Variants in SLC4A8 observed in about 807,000 individuals in gnomAD.
SLC4A8 encodes solute carrier family 4 member 8.
Under a neutral mutation model 125.0 loss-of-function variants are expected in SLC4A8, and 40 were observed. That is an observed-to-expected ratio of 0.32 (90% confidence interval 0.25 to 0.42). The LOEUF (loss-of-function observed/expected upper bound fraction) is 0.42, where lower values mean the gene tolerates loss of function less well. Ranked by LOEUF, SLC4A8 falls within the 10% of genes least tolerant of loss-of-function variation. SLC4A8 has a pLI of 1.00. For synonymous variants in SLC4A8, 456 were observed against 476.0 expected, an observed-to-expected ratio of 0.96 and a Z score of 0.55; for missense variants, 863 against 1,355.1, an observed-to-expected ratio of 0.64 and a Z score of 5.70.
rs1436028861 is a variant in SLC4A8 at position 51,470,651 on chromosome 12, G to C, written c.1658+126G>C. 4 of 886,158 alleles carry C rather than the reference G, an allele frequency of 4.5e-6. No homozygotes were observed. The African/African-American group carries it at 6.7e-5, about 15-fold the overall frequency. The allele number at this position is 886,158 out of a possible 1,614,324, so 54.9% of individuals were successfully genotyped here. ...TTGGATTGTAAGAAACCTGAAAGGA[G>C]ACCATCATTTGGTCTGTTGTCCTGC... On this transcript the variant is annotated intron_variant, in intron 13 of 24. Coordinates refer to ENST00000453097, the MANE Select transcript of SLC4A8 (RefSeq NM_001039960.3).
intron 16 of SLC4A8, chr12:51,480,473 G>A (rs1345971841): frequency 6.5e-6 from 7 of 1,069,294 alleles, no homozygotes; most frequent in Non-Finnish European, 8.0e-6. Flanking sequence ...GGAGTCCTCT[G>A]TGTGAGACAT....
chr12:51,474,584 C>A, intron 15 of SLC4A8, 137 bp downstream of exon 15: 1 of 1,419,250 alleles, frequency 7.0e-7, no homozygotes. Context: ...ACAATTCTTA[C>A]TCACTTTCTT....
chr12:51,425,559 A>G (rs930861371), intron 1 of SLC4A8: 9 of 443,564 alleles, frequency 2.0e-5, no homozygotes, highest in Non-Finnish European at 2.7e-5. Context: ...GCCCCATTGA[A>G]CAGACACCTG....
At chr12:51,493,348 T>C (rs892394240) in intron 19 of SLC4A8, among the ~76,000 whole-genome samples, 1 of 152,054 alleles carries the variant, frequency 6.6e-6, no homozygotes, top group Non-Finnish European at 1.5e-5. Context: ...TTACAGAAGA[T>C]TTAAAAGGCA....
chr12:51,397,587 C>G (rs1296225192), intron 1 of SLC4A8, among the ~76,000 whole-genome samples: 1 of 151,830 alleles, frequency 6.6e-6, no homozygotes, highest in Admixed American at 6.6e-5. Context: ...CAGAAAATCA[C>G]AAAAAAAGAA....
chr12:51,474,461 CT>C lies in SLC4A8; in HGVS notation c.2010+15del. The C allele has an allele frequency of 6.2e-7, 1 of 1,611,264 alleles. No individual in the cohort carries two copies. Among genetic ancestry groups the C allele is most frequent in the South Asian group, 1.1e-5 (1 of 90,632 alleles). ...CTGACTGTCAGTGTAAGTCTGGGAG[CT>C]GCCAGATGTCCTAGCATTGTGACCA... On this transcript the variant is annotated intron_variant, in intron 15 of 24. Coordinates refer to ENST00000453097, the MANE Select transcript of SLC4A8 (RefSeq NM_001039960.3).
chr12:51,408,684 G>T (rs12369063), intron 1 of SLC4A8, among the ~76,000 whole-genome samples: 60,982 of 151,882 alleles, frequency 0.4, 12,454 homozygotes, highest in Admixed American at 0.45. Flanking sequence ...CTGCCCAGGA[G>T]TATGGCTGAG....
At chr12:51,414,603 G>A (rs190603442) in intron 1 of SLC4A8, among the ~76,000 whole-genome samples, 67 of 152,108 alleles carry the variant, frequency 4.4e-4, no homozygotes, top group African/African-American at 1.4e-3. Context: ...ATCATAAAAC[G>A]AGGTGGGAAG....
intron 1 of SLC4A8, chr12:51,402,984 CTG>C (rs1948421181): frequency 3.1e-6 from 1 of 325,702 alleles, no homozygotes; most frequent in Non-Finnish European, 6.1e-6. Context: ...AGGAGAGACT[CTG>C]AGAATGACTG....
intron 1 of SLC4A8, among the ~76,000 whole-genome samples, chr12:51,407,138 A>C (rs1396489473): frequency 2.0e-5 from 3 of 152,178 alleles, no homozygotes; most frequent in African/African-American, 7.2e-5. Context: ...GTGTCCCGGC[A>C]TGGAGGGAGG....
At chr12:51,400,728 A>T (rs1454087665) in intron 1 of SLC4A8, among the ~76,000 whole-genome samples, 14 of 226 alleles carry the variant, frequency 0.062, no homozygotes, top group African/African-American at 0.11. Flanking sequence ...GAACTCCTTT[A>T]TATATATATA....
At chr12:51,467,621 A>C (rs1246989770) in intron 11 of SLC4A8, among the ~76,000 whole-genome samples, 1 of 152,188 alleles carries the variant, frequency 6.6e-6, no homozygotes, top group African/African-American at 2.4e-5. Context: ...TCCTTCCGTG[A>C]GAGAGTAGCT....
At chr12:51,406,259 G>A (rs762687124) in intron 1 of SLC4A8, among the ~76,000 whole-genome samples, 8 of 152,226 alleles carry the variant, frequency 5.3e-5, no homozygotes, top group South Asian at 2.1e-4. Flanking sequence ...AAATTATCCC[G>A]AGGGAGAGAT....
At chr12:51,440,615 CGTAA>C (rs1949565189) in intron 1 of SLC4A8, 89 bp from the exon 2 acceptor site, 1 of 903,688 alleles carries the variant, frequency 1.1e-6, no homozygotes, top group Non-Finnish European at 1.7e-6. Flanking sequence ...GTGTTTCCCC[CGTAA>C]GTATCTCAAA....
chr12:51,440,425 T>A (rs1407276672), intron 1 of SLC4A8, among the ~76,000 whole-genome samples: 3 of 135,964 alleles, frequency 2.2e-5, no homozygotes, highest in Admixed American at 7.3e-5. Flanking sequence ...TTTTTTTTTT[T>A]AAAAGACCTA....
chr12:51,411,448 G>T (rs1393711380), intron 1 of SLC4A8, among the ~76,000 whole-genome samples: 1 of 152,032 alleles, frequency 6.6e-6, no homozygotes, highest in African/African-American at 2.4e-5. Flanking sequence ...AATTAGCAGG[G>T]TATGGTGGTG....
intron 16 of SLC4A8, among the ~76,000 whole-genome samples, chr12:51,485,477 T>C (rs76132684): frequency 0.012 from 1,814 of 152,260 alleles, 34 homozygotes; most frequent in African/African-American, 0.041. Context: ...GGACCTTGGC[T>C]GATCCCAGAA....
chr12:51,493,215 A>C (rs1467689101), intron 19 of SLC4A8, among the ~76,000 whole-genome samples: 9 of 152,138 alleles, frequency 5.9e-5, no homozygotes, highest in Admixed American at 5.9e-4. Context: ...GTTTCCCCCC[A>C]GACCATTACC....
chr12:51,478,679 G>A (rs1295342199), intron 16 of SLC4A8, among the ~76,000 whole-genome samples: 1 of 152,152 alleles, frequency 6.6e-6, no homozygotes, highest in Non-Finnish European at 1.5e-5. Flanking sequence ...ATTGCTGTCT[G>A]CTTAACATAT....
Sources: allele counts gnomAD v4.1 joint callset (sites outside exome capture counted in the v4.1 genomes callset), GRCh38; gene constraint gnomAD v4.1.1; transcripts MANE v1.5; gene names NCBI Gene and HGNC (gene_info 2026-07-23, HGNC 2026-07-21).